The following NDST3 variants were observed in gnomAD, a reference collection of about 807,000 sequenced individuals.
NDST3 encodes the protein bifunctional heparan sulfate N-deacetylase/N-sulfotransferase 3.
A neutral mutation model predicts 96.1 loss-of-function variants in NDST3; 58 were observed. The observed-to-expected ratio is 0.60, with a 90% CI of 0.49 to 0.75. The LOEUF is 0.75. Ranked by LOEUF, NDST3 falls within the 30% of genes least tolerant of loss-of-function variation. The pLI, the probability that NDST3 is intolerant of heterozygous loss-of-function variation, is 0.00. For synonymous variants in NDST3, 333 were observed against 359.7 expected, an observed-to-expected ratio of 0.93 and a Z score of 0.84; for missense variants, 788 against 1,034.2, an observed-to-expected ratio of 0.76 and a Z score of 3.27.
intron 6 of NDST3, among the ~76,000 whole-genome samples, chr4:118,174,416 A>C (rs575814148): frequency 5.3e-5 from 8 of 152,158 alleles, no homozygotes; most frequent in Admixed American, 2.0e-4. Flanking sequence ...TACAAGAGAA[A>C]TCAGATCTGA....
intron 6 of NDST3, among the ~76,000 whole-genome samples, chr4:118,199,695 T>C (rs1444200299): frequency 6.6e-6 from 1 of 152,166 alleles, no homozygotes. Flanking sequence ...TTTATACCCA[T>C]TCTTCCTGGG....
At chr4:118,223,265 AAG>A (rs1273683813) in intron 6 of NDST3, among the ~76,000 whole-genome samples, 46 of 152,104 alleles carry the variant, frequency 3.0e-4, no homozygotes, top group Admixed American at 7.2e-4. Context: ...ACAGGAGAAA[AAG>A]AGGAAATTTA....
intron 6 of NDST3, among the ~76,000 whole-genome samples, chr4:118,164,476 G>GTAAA (rs1289201939): frequency 3.0e-5 from 4 of 131,560 alleles, no homozygotes; most frequent in African/African-American, 1.1e-4. Context: ...AGCTGCACGT[G>GTAAA]TAACCCTGAA....
chr4:118,135,362 T>C (rs1433203107), intron 4 of NDST3, among the ~76,000 whole-genome samples: 1 of 152,192 alleles, frequency 6.6e-6, no homozygotes, highest in Non-Finnish European at 1.5e-5. Context: ...TCTGTCTCTT[T>C]TAGTGGAAAA....
Position 118,108,407 on chromosome 4 carries a change from C to A in NDST3, c.1069+3302C>A, listed in dbSNP as rs534746257. Among the ~76,000 whole-genome samples, 7 of 152,200 alleles carry A rather than the reference C, an allele frequency of 4.6e-5. No individual in the cohort carries two copies. The South Asian group carries it at 1.5e-3, about 32-fold the overall frequency. On this transcript the variant is annotated intron_variant, in intron 3 of 13. Coordinates refer to ENST00000296499, the MANE Select transcript of NDST3 (RefSeq NM_004784.3). ...TTTTTAAAGTGATATCATATTTAAG[C>A]AAGTTTATCAGTTTTCTACAATTGC...
chr4:118,168,517 CAGTT>C (rs777681275), intron 6 of NDST3, among the ~76,000 whole-genome samples: 3 of 152,008 alleles, frequency 2.0e-5, no homozygotes, highest in South Asian at 2.1e-4. Flanking sequence ...CTCTTGTACA[CAGTT>C]GGTAAGAATG....
chr4:118,210,874 G>T (rs1026610714), intron 6 of NDST3, among the ~76,000 whole-genome samples: 9 of 152,044 alleles, frequency 5.9e-5, no homozygotes, highest in Non-Finnish European at 1.2e-4. Context: ...TACTGATGGG[G>T]CCCAGAAGTG....
chr4:118,080,568 A>G (rs1439365498), intron 2 of NDST3, among the ~76,000 whole-genome samples: 1 of 152,134 alleles, frequency 6.6e-6, no homozygotes, highest in Non-Finnish European at 1.5e-5. Context: ...TTAATTCACG[A>G]AAGTCTCATT....
chr4:118,096,238 T>G (rs1035756466), intron 2 of NDST3, among the ~76,000 whole-genome samples: 1 of 151,888 alleles, frequency 6.6e-6, no homozygotes, highest in African/African-American at 2.4e-5. Flanking sequence ...TGAAATACAC[T>G]GGGATTATAT....
intron 2 of NDST3, among the ~76,000 whole-genome samples, chr4:118,098,158 T>G (rs1373141294): frequency 6.6e-6 from 1 of 151,978 alleles, no homozygotes; most frequent in Non-Finnish European, 1.5e-5. Context: ...GCAATAACAG[T>G]AAGTGGATTG....
intron 6 of NDST3, among the ~76,000 whole-genome samples, chr4:118,215,887 T>C (rs1475837859): frequency 6.6e-6 from 1 of 151,642 alleles, no homozygotes; most frequent in African/African-American, 2.4e-5. Context: ...GTAGGGAGAG[T>C]GGAAACTGAA....
At chr4:118,210,217 C>T (rs909318518) in intron 6 of NDST3, among the ~76,000 whole-genome samples, 1 of 152,098 alleles carries the variant, frequency 6.6e-6, no homozygotes, top group Non-Finnish European at 1.5e-5. Context: ...TGCTGCTCAG[C>T]TGAGCTCTGG....
intron 6 of NDST3, among the ~76,000 whole-genome samples, chr4:118,173,963 G>C (rs1736117939): frequency 6.6e-6 from 1 of 152,170 alleles, no homozygotes; most frequent in Non-Finnish European, 1.5e-5. Context: ...AAAAGCTGAA[G>C]AATAAATGAA....
At chr4:118,078,721 C>G (rs1177305721) in intron 2 of NDST3, among the ~76,000 whole-genome samples, 6 of 149,238 alleles carry the variant, frequency 4.0e-5, no homozygotes, top group Non-Finnish European at 5.9e-5. Flanking sequence ...TGCACTCCAG[C>G]CTGGCCAACA....
At chr4:118,177,090 C>T (rs1055607368) in intron 6 of NDST3, among the ~76,000 whole-genome samples, 2 of 151,686 alleles carry the variant, frequency 1.3e-5, no homozygotes, top group African/African-American at 2.4e-5. Flanking sequence ...GAGTCACAAG[C>T]AAATCATTTA....
intron 6 of NDST3, among the ~76,000 whole-genome samples, chr4:118,158,338 C>G (rs1032696014): frequency 6.6e-6 from 1 of 152,076 alleles, no homozygotes; most frequent in Non-Finnish European, 1.5e-5. Context: ...AAAAGGGAAA[C>G]AGTCACTCAA....
At chr4:118,200,262 C>T (rs1343709220) in intron 6 of NDST3, among the ~76,000 whole-genome samples, 1 of 152,216 alleles carries the variant, frequency 6.6e-6, no homozygotes, top group Non-Finnish European at 1.5e-5. Flanking sequence ...ACTCAAACCA[C>T]AAGACGCAGC....
chr4:118,228,672 C>T (rs1740068419), intron 8 of NDST3, among the ~76,000 whole-genome samples: 1 of 152,044 alleles, frequency 6.6e-6, no homozygotes, highest in Non-Finnish European at 1.5e-5. Flanking sequence ...CAGTTATGTC[C>T]ACCACCACAT....
rs377544387 is a variant in NDST3 at position 118,258,471 on chromosome 4, G to A, written c.*2759G>A. The A allele has an allele frequency of 1.1e-3, 168 of 152,164 alleles. 1 individual carries two copies. The highest frequency in any genetic ancestry group is 3.8e-3 in the African/African-American group (158 of 41,540). The allele number at this position is 152,164 out of a possible 1,614,324, so 9.4% of individuals were successfully genotyped here. On this transcript the variant is annotated 3_prime_UTR_variant, in exon 14 of 14. Transcript: ENST00000296499. Reference sequence around the variant, plus strand: ...AAACTTCCTCAGGAAGAAATGAAATGGTTATTTCAATGTTTATAGCTGTAA... The same window carrying A: ...AAACTTCCTCAGGAAGAAATGAAATAGTTATTTCAATGTTTATAGCTGTAA...
Sources: gnomAD v4.1 joint callset for allele counts (sites outside exome capture counted in the v4.1 genomes callset) on GRCh38, gnomAD v4.1.1 for gene constraint, MANE v1.5 for transcripts, NCBI Gene and HGNC (gene_info 2026-07-23, HGNC 2026-07-21) for gene names.